NOP9: variants seen among roughly 807,000 people sequenced by gnomAD.
The protein encoded by NOP9 is NOP9 nucleolar protein.
Under a neutral mutation model 63.0 loss-of-function variants are expected in NOP9, and 50 were observed. The observed-to-expected ratio is 0.79, with a 90% CI of 0.63 to 1.00. NOP9 has a LOEUF of 1.00. NOP9 is among the 50% of genes least tolerant of loss of function. The pLI, the probability that NOP9 is intolerant of heterozygous loss-of-function variation, is 0.00. For synonymous variants in NOP9, 343 were observed against 332.8 expected, an observed-to-expected ratio of 1.03 and a Z score of -0.33; for missense variants, 758 against 803.0, an observed-to-expected ratio of 0.94 and a Z score of 0.68.
At position 24,303,850 on chromosome 14, in the gene NOP9, A is replaced by G; in HGVS notation, c.1403A>G (p.Glu468Gly). 6.2e-7 allele frequency: 1 copy of G among 1,614,002 alleles called. No homozygotes were observed. The highest frequency in any genetic ancestry group is 1.7e-4 in the Middle Eastern group (1 of 6,058). ...LTEEEGAVPA[E>G]HQVAMAAARA... ...GAGGAGGAGGGGGCAGTGCCTGCAG[A>G]GCACCAGGTGAGGTAGGGGAGAGGC... Residue 468 changes from glutamate to glycine, a missense_variant, in exon 7 of 10, where the codon GAG becomes GGG. Physicochemically the swap from Glu to Gly is moderately conservative, Grantham distance 98. Coordinates refer to ENST00000267425, the MANE Select transcript of NOP9 (RefSeq NM_174913.3).
At chr14:24,285,106 G>A in the NOP9 span, among the ~76,000 whole-genome samples, 1 of 152,174 alleles carries the variant, frequency 6.6e-6, no homozygotes, top group East Asian at 1.9e-4. Context: ...GGACACCTGG[G>A]GATAGAGGCT....
At chr14:24,275,795 C>T in the NOP9 span, among the ~76,000 whole-genome samples, 1 of 152,190 alleles carries the variant, frequency 6.6e-6, no homozygotes, top group Non-Finnish European at 1.5e-5. Context: ...GTAGTGTGTG[C>T]ATTTATTCAG....
chr14:24,287,377 TTC>T, the NOP9 span, among the ~76,000 whole-genome samples: 1 of 152,182 alleles, frequency 6.6e-6, no homozygotes, highest in Non-Finnish European at 1.5e-5. Flanking sequence ...GCTGGAACTA[TTC>T]TGAGGCCTTA....
At chr14:24,280,406 C>T in the NOP9 span, among the ~76,000 whole-genome samples, 4 of 152,270 alleles carry the variant, frequency 2.6e-5, no homozygotes, top group East Asian at 7.7e-4. Context: ...CTCTTCTGTT[C>T]CTCTCAGCAC....
chr14:24,291,297 G>T, the NOP9 span: 2 of 1,437,124 alleles, frequency 1.4e-6, no homozygotes, highest in Middle Eastern at 1.7e-4. Flanking sequence ...GTTGGACAGG[G>T]CACTGCTGAG....
In NOP9 at chr14:24,306,871, G is replaced by T. The variant is rs1244613848; in HGVS notation, c.*1776G>T. On this transcript the variant is annotated 3_prime_UTR_variant, in exon 10 of 10. Transcript: ENST00000267425. ...CACCTCACTTCCCACACCCTCAAGA[G>T]TTCTCCAGAAGTGTTTTCAGTAATA... The T allele has an allele frequency of 2.8e-6, 1 of 353,232 alleles. No homozygotes were observed. The highest frequency in any genetic ancestry group is 3.3e-5 in the South Asian group (1 of 30,144). The allele number at this position is 353,232 out of a possible 1,614,324, so 21.9% of individuals were successfully genotyped here. A position where few individuals can be genotyped will look rare whatever the true frequency, so the allele number is the denominator to read the frequency against.
At chr14:24,284,607 C>T in the NOP9 span, among the ~76,000 whole-genome samples, 1 of 152,030 alleles carries the variant, frequency 6.6e-6, no homozygotes, top group Non-Finnish European at 1.5e-5. Flanking sequence ...GGAGGGGCTG[C>T]GGCAAAGGAC....
chr14:24,272,790 C>G, the NOP9 span, among the ~76,000 whole-genome samples: 1 of 152,318 alleles, frequency 6.6e-6, no homozygotes. Flanking sequence ...TTGCAGTTTC[C>G]TAAATATGTT....
chr14:24,296,990 A>C, upstream of NOP9: 1 of 1,481,656 alleles, frequency 6.7e-7, no homozygotes, highest in Non-Finnish European at 9.2e-7. Flanking sequence ...CAATCCTAGG[A>C]GAGCCTGCTG....
the NOP9 span, chr14:24,290,454 A>G: frequency 3.8e-5 from 7 of 183,392 alleles, no homozygotes; most frequent in African/African-American, 7.2e-5. Flanking sequence ...CAGGTCTTGC[A>G]GGGCAGAGCA....
At chr14:24,302,517 T>C (rs954628040) in intron 5 of NOP9, 93 bp downstream of exon 5, 1 of 1,259,534 alleles carries the variant, frequency 7.9e-7, no homozygotes, top group East Asian at 2.4e-5. Flanking sequence ...ACCTTTGACA[T>C]TGTGCTGGCC....
chr14:24,299,459 C>G (rs1252159333), upstream of NOP9: 6 of 233,700 alleles, frequency 2.6e-5, no homozygotes, highest in Admixed American at 3.1e-4. Flanking sequence ...CCTGGGCTAT[C>G]TGAAGCTCCG....
the NOP9 span, among the ~76,000 whole-genome samples, chr14:24,282,528 C>A: frequency 0.1 from 15,529 of 152,210 alleles, 1,344 homozygotes; most frequent in East Asian, 0.5. Context: ...GCCAAGGCAC[C>A]TTTGCTCCCT....
chr14:24,300,233 G>C (rs754654809), intron 1 of NOP9, 32 bp downstream of exon 1: 32 of 1,607,056 alleles, frequency 2.0e-5, no homozygotes, highest in Non-Finnish European at 3.4e-6. Context: ...TAGACCAAGA[G>C]CATCAAATCC....
chr14:24,290,971 G>A, the NOP9 span: 5 of 1,614,122 alleles, frequency 3.1e-6, no homozygotes, highest in Non-Finnish European at 2.5e-6. Context: ...AGAGCTCAAA[G>A]ACAAATAGTC....
chr14:24,276,547 T>TGGGACTG, the NOP9 span, among the ~76,000 whole-genome samples: 2 of 152,090 alleles, frequency 1.3e-5, no homozygotes, highest in African/African-American at 4.8e-5. Flanking sequence ...TGCCTCAGCC[T>TGGGACTG]CCCAAAGTGC....
rs74476682 is a variant in NOP9, at chr14:24,306,812, C to T, written c.*1717C>T. The T allele has an allele frequency of 0.06, 27,635 of 458,018 alleles. 981 individuals carry two copies. The highest frequency in any genetic ancestry group is 0.096 in the South Asian group (4,013 of 42,012). The allele number at this position is 458,018 out of a possible 1,614,324, so 28.4% of individuals were successfully genotyped here. A position where few individuals can be genotyped will look rare whatever the true frequency, so the allele number is the denominator to read the frequency against. On this transcript the variant is annotated 3_prime_UTR_variant, in exon 10 of 10. Coordinates refer to ENST00000267425, the MANE Select transcript of NOP9 (RefSeq NM_174913.3). Reference sequence around the variant, plus strand: ...AATTGGAAAGCAAGCCAGGTTCTCACGAAGTCCACCCTTCTGTCTTATCTA... The same window carrying T: ...AATTGGAAAGCAAGCCAGGTTCTCATGAAGTCCACCCTTCTGTCTTATCTA...
upstream of NOP9, chr14:24,296,501 G>A (rs771407224): frequency 6.2e-7 from 1 of 1,614,004 alleles, no homozygotes; most frequent in Non-Finnish European, 8.5e-7. Context: ...TGGCAGTGGA[G>A]CACCCACCTG....
At chr14:24,299,802 C>T (rs1594614896), upstream of NOP9, 1 of 1,021,830 alleles carries the variant, frequency 9.8e-7, no homozygotes, top group East Asian at 2.7e-5. Flanking sequence ...CCACCCCGCC[C>T]GGCTGGGGCG....
Sources: gnomAD v4.1 joint callset for allele counts (sites outside exome capture counted in the v4.1 genomes callset) on GRCh38, gnomAD v4.1.1 for gene constraint, MANE v1.5 for transcripts, NCBI Gene and HGNC (gene_info 2026-07-23, HGNC 2026-07-21) for gene names.